Variants in MGMT observed in about 807,000 individuals in gnomAD.
The protein encoded by MGMT is methylated-DNA--protein-cysteine methyltransferase.
A neutral mutation model predicts 15.9 loss-of-function variants in MGMT; 14 were observed. The observed-to-expected ratio is 0.88, with a 90% CI of 0.58 to 1.37. MGMT has a LOEUF of 1.37. MGMT is among the 40% of genes most tolerant of loss of function. The pLI is 0.00. For missense variants in MGMT, 282 were observed against 268.1 expected (o/e 1.05, Z -0.36); for synonymous variants, 130 against 118.2 (o/e 1.10, Z -0.65).
At chr10:129,642,732 A>G (rs563862307) in intron 2 of MGMT, among the ~76,000 whole-genome samples, 17 of 152,166 alleles carry the variant, frequency 1.1e-4, no homozygotes, top group Non-Finnish European at 1.8e-4. Context: ...CCACAGGTGT[A>G]TGTTCCTGGC....
chr10:129,737,201 A>C (rs903359875), intron 3 of MGMT, among the ~76,000 whole-genome samples: 2 of 152,180 alleles, frequency 1.3e-5, no homozygotes, highest in Non-Finnish European at 2.9e-5. Context: ...TACACCAATC[A>C]GACATAGATT....
intron 2 of MGMT, among the ~76,000 whole-genome samples, chr10:129,645,153 T>G (rs1847372875): frequency 6.9e-6 from 1 of 143,956 alleles, no homozygotes; most frequent in African/African-American, 2.6e-5. Flanking sequence ...GGAGTCTTGC[T>G]CTGTCACCCA....
chr10:129,519,766 G>A (rs1252346030), intron 1 of MGMT, among the ~76,000 whole-genome samples: 1 of 152,198 alleles, frequency 6.6e-6, no homozygotes, highest in Non-Finnish European at 1.5e-5. Context: ...TCTCAGTGGT[G>A]TGCAGGCTTA....
intron 2 of MGMT, among the ~76,000 whole-genome samples, chr10:129,543,005 A>G (rs1846060627): frequency 6.6e-6 from 1 of 152,188 alleles, no homozygotes; most frequent in Non-Finnish European, 1.5e-5. Context: ...AAGCCAGACA[A>G]TGGCCTCGTC....
chr10:129,481,508 A>G (rs976409538), intron 1 of MGMT, among the ~76,000 whole-genome samples: 4 of 152,218 alleles, frequency 2.6e-5, no homozygotes, highest in African/African-American at 9.6e-5. Flanking sequence ...GTGTACCGTT[A>G]GCATTGTCTC....
At chr10:129,502,423 A>G (rs1845583711) in intron 1 of MGMT, among the ~76,000 whole-genome samples, 1 of 152,078 alleles carries the variant, frequency 6.6e-6, no homozygotes. Context: ...TTAACAGTCC[A>G]TTGGCATCAG....
intron 1 of MGMT, among the ~76,000 whole-genome samples, chr10:129,502,541 G>T (rs1391843959): frequency 6.6e-6 from 1 of 151,816 alleles, no homozygotes; most frequent in Non-Finnish European, 1.5e-5. Flanking sequence ...CTTAAAAAAT[G>T]AGTAAAAAAA....
intron 2 of MGMT, among the ~76,000 whole-genome samples, chr10:129,646,752 A>ATTTTTTTTTTTTTT (rs1180606132): frequency 1.2e-5 from 1 of 81,890 alleles, no homozygotes. Flanking sequence ...ATATATATAT[A>ATTTTTTTTTTTTTT]TATTTTCAGG....
At position 129,536,257 on chromosome 10, in the gene MGMT, A is replaced by G; in HGVS notation, c.5A>G (p.Asp2Gly). The G allele has an allele frequency of 6.2e-7, 1 of 1,613,964 alleles. No homozygotes were observed. Residue 2 changes from aspartate to glycine, a missense_variant, in exon 2 of 5, where the codon GAC becomes GGC. Coordinates refer to ENST00000651593, the MANE Select transcript of MGMT (RefSeq NM_002412.5). ...TCTGTTTAGGTACTTGGAAAAATGG[A>G]CAAGGATTGTGAAATGAAACGCACC... M[D>G]KDCEMKRTTL...
At chr10:129,637,895 G>A (rs182686804) in intron 2 of MGMT, among the ~76,000 whole-genome samples, 99 of 152,294 alleles carry the variant, frequency 6.5e-4, no homozygotes, top group African/African-American at 2.0e-3. Context: ...AGAGCTGTGA[G>A]AAAATAAATG....
At chr10:129,583,192 T>C (rs1331428847) in intron 2 of MGMT, among the ~76,000 whole-genome samples, 1 of 152,238 alleles carries the variant, frequency 6.6e-6, no homozygotes, top group East Asian at 1.9e-4. Flanking sequence ...GGGTGTACTT[T>C]ATTTAACTTG....
intron 2 of MGMT, among the ~76,000 whole-genome samples, chr10:129,557,848 C>T (rs1412069128): frequency 3.3e-5 from 5 of 152,298 alleles, no homozygotes; most frequent in South Asian, 2.1e-4. Context: ...CTAATCAATG[C>T]ATATTTGGGA....
intron 2 of MGMT, among the ~76,000 whole-genome samples, chr10:129,540,349 T>C (rs559105341): frequency 2.0e-5 from 3 of 152,310 alleles, no homozygotes; most frequent in African/African-American, 7.2e-5. Flanking sequence ...CTTCTTCCTT[T>C]CTGATTGTTA....
intron 2 of MGMT, among the ~76,000 whole-genome samples, chr10:129,699,497 A>G (rs1248040219): frequency 6.6e-6 from 1 of 152,216 alleles, no homozygotes; most frequent in African/African-American, 2.4e-5. Context: ...ACGACCACCC[A>G]GAAAGTAACT....
chr10:129,642,988 G>T (rs987047816), intron 2 of MGMT, among the ~76,000 whole-genome samples: 2 of 152,322 alleles, frequency 1.3e-5, no homozygotes, highest in East Asian at 3.9e-4. Flanking sequence ...CATAGGTGAT[G>T]CACCTCCCAT....
intron 2 of MGMT, among the ~76,000 whole-genome samples, chr10:129,623,043 A>G (rs939629900): frequency 2.0e-5 from 3 of 152,220 alleles, no homozygotes; most frequent in Admixed American, 2.0e-4. Context: ...GCCGGATGGC[A>G]TCGTCCTTAC....
intron 1 of MGMT, among the ~76,000 whole-genome samples, chr10:129,489,174 C>T (rs566864652): frequency 6.6e-6 from 1 of 151,834 alleles, no homozygotes; most frequent in African/African-American, 2.4e-5. Flanking sequence ...GTCTAGCCAA[C>T]ATAGTGAAAC....
intron 2 of MGMT, among the ~76,000 whole-genome samples, chr10:129,683,040 G>T (rs548995452): frequency 2.8e-4 from 42 of 152,294 alleles, no homozygotes; most frequent in African/African-American, 9.4e-4. Flanking sequence ...GTACAGATGG[G>T]GTTTCACCAT....
At chr10:129,761,567 T>C (rs1271177246) in intron 4 of MGMT, among the ~76,000 whole-genome samples, 1 of 152,260 alleles carries the variant, frequency 6.6e-6, no homozygotes, top group African/African-American at 2.4e-5. Context: ...CTTCTCCTGC[T>C]ATTAATCTCT....
Sources: allele counts gnomAD v4.1 joint callset (sites outside exome capture counted in the v4.1 genomes callset), GRCh38; gene constraint gnomAD v4.1.1; transcripts MANE v1.5; gene names NCBI Gene and HGNC (gene_info 2026-07-23, HGNC 2026-07-21).